Variants in CEP164 observed in about 807,000 individuals in gnomAD.
CEP164 encodes the protein centrosomal protein of 164 kDa.
CEP164 carries 162 observed loss-of-function variants against 182.7 expected under a neutral mutation model. The ratio of observed to expected loss-of-function variants is 0.89; its 90% CI spans 0.78 to 1.01. CEP164 has a LOEUF of 1.01. CEP164 is among the 50% of genes least tolerant of loss of function. The pLI is 0.00. For missense variants in CEP164, 1,735 were observed against 1,790.4 expected (o/e 0.97, Z 0.56); for synonymous variants, 661 against 690.0 (o/e 0.96, Z 0.66).
chr11:117,347,415 T>G (rs562138827), intron 4 of CEP164, among the ~76,000 whole-genome samples: 1 of 152,184 alleles, frequency 6.6e-6, no homozygotes, highest in Non-Finnish European at 1.5e-5. Context: ...TTAGAATAGC[T>G]TGTCAGTTTC....
chr11:117,409,748 C>T lies in CEP164; in HGVS notation c.3879C>T (p.Leu1293=), dbSNP rs772016917. The change falls in exon 30 of 33, where the codon CTC becomes CTT. Residue 1293 remains leucine (L), a synonymous_variant. Transcript: ENST00000278935. The surrounding 1 kb of genome is among the most constrained non-coding windows in gnomAD (Gnocchi z 4.4). ...TCAACCCTCAGTCGCCGCCGCCGCT[C>T]CTCGCCTCCATGCCAGCCCAGCTCC... ...DSLNPQSPPP[L]LASMPAQLPP... is the part of the protein sequence containing the mutation. The T allele has an allele frequency of 2.5e-6, 4 of 1,614,058 alleles. No individual in the cohort carries two copies. Among genetic ancestry groups the T allele is most frequent in the South Asian group, 1.1e-5 (1 of 91,084 alleles).
At chr11:117,383,490 T>C (rs917523040) in intron 14 of CEP164, among the ~76,000 whole-genome samples, 2 of 152,236 alleles carry the variant, frequency 1.3e-5, no homozygotes, top group African/African-American at 4.8e-5. Flanking sequence ...ATTTTTCCAG[T>C]TCTCTACTTC....
chr11:117,352,799 C>T (rs1168679869), intron 5 of CEP164, among the ~76,000 whole-genome samples: 1 of 152,140 alleles, frequency 6.6e-6, no homozygotes, highest in Admixed American at 6.5e-5. Flanking sequence ...GTTGGCCAGG[C>T]TGGTCTCAAA....
intron 8 of CEP164, among the ~76,000 whole-genome samples, chr11:117,364,777 C>T (rs1193082325): frequency 3.3e-5 from 5 of 152,052 alleles, no homozygotes; most frequent in African/African-American, 7.2e-5. Flanking sequence ...GGATTACAGG[C>T]GTGAGCCACT....
At chr11:117,395,270 TC>T in intron 23 of CEP164, 79 bp downstream of exon 23, 1 of 1,523,676 alleles carries the variant, frequency 6.6e-7, no homozygotes, top group Admixed American at 1.7e-5. Context: ...CACATTTTGT[TC>T]ATCTGATCTG....
In CEP164 at chr11:117,390,917, G is replaced by A. The variant is rs374648188; in HGVS notation, c.2066+9G>A. On this transcript the variant is annotated intron_variant, in intron 16 of 32. Transcript: ENST00000278935. ...GATGAGGACCAAATCAGGTAAGTGT[G>A]TGCTTACCTGTGAGCTGCCCAGCCC... is the stretch of plus-strand genomic sequence containing the variant. The A allele has an allele frequency of 8.7e-6, 14 of 1,613,884 alleles. No homozygotes were observed. In the African/African-American group the frequency reaches 1.9e-4, roughly 22 times the overall value.
At chr11:117,403,166 A>T (rs2046330510) in intron 27 of CEP164, among the ~76,000 whole-genome samples, 1 of 152,222 alleles carries the variant, frequency 6.6e-6, no homozygotes, top group African/African-American at 2.4e-5. Flanking sequence ...TAGCCTGTTT[A>T]CATTCAAGGC....
chr11:117,394,581 A>G lies in CEP164; in HGVS notation c.2760+88A>G. ...GGAGCAGACGCATGGCCCCAGCAGG[A>G]TGCAGCCTGACAGCTTCTGGAGTGA... On this transcript the variant is annotated intron_variant, in intron 21 of 32. Coordinates refer to ENST00000278935, the MANE Select transcript of CEP164 (RefSeq NM_014956.5). The surrounding 1 kb of genome is among the most constrained non-coding windows in gnomAD (Gnocchi z 4.0). 6.6e-7 allele frequency: 1 copy of G among 1,505,212 alleles called. No individual in the cohort carries two copies. Among genetic ancestry groups the G allele is most frequent in the South Asian group, 1.3e-5 (1 of 79,226 alleles). 93.2% of individuals were successfully genotyped at this position (1,505,212 alleles called of 1,614,324 possible).
At chr11:117,335,265 C>T (rs1209478364) in intron 1 of CEP164, among the ~76,000 whole-genome samples, 1 of 152,166 alleles carries the variant, frequency 6.6e-6, no homozygotes. Flanking sequence ...GAGCACATTC[C>T]CACTTCAGCT....
upstream of CEP164, among the ~76,000 whole-genome samples, chr11:117,324,806 A>G (rs1211669008): frequency 6.6e-6 from 1 of 152,212 alleles, no homozygotes; most frequent in Admixed American, 6.5e-5. Flanking sequence ...TTTCAAGACC[A>G]GCCTGGCCAA....
intron 12 of CEP164, 52 bp downstream of exon 12, chr11:117,380,757 A>C: frequency 6.6e-7 from 1 of 1,517,724 alleles, no homozygotes; most frequent in Admixed American, 2.0e-5. Context: ...GGTGGTGTGG[A>C]CTTGGGCAGA....
At chr11:117,386,109 T>C (rs2043920300) in intron 14 of CEP164, 1 of 152,286 alleles carries the variant, frequency 6.6e-6, no homozygotes, top group Non-Finnish European at 1.5e-5. Context: ...TTTTGGATCA[T>C]GCCCACACTT....
At chr11:117,362,032 G>T (rs778187174) in intron 6 of CEP164, 39 bp downstream of exon 6, 2 of 1,519,080 alleles carry the variant, frequency 1.3e-6, no homozygotes, top group Non-Finnish European at 1.8e-6. Context: ...TGTAGTTCCT[G>T]TGGGGCCTCC....
rs372442724 is a variant in CEP164 at position 117,390,788 on chromosome 11, A to G, written c.1946A>G (p.Glu649Gly). 6.2e-7 allele frequency: 1 copy of G among 1,613,852 alleles called. No homozygotes were observed. The highest frequency in any genetic ancestry group is 1.3e-5 in the African/African-American group (1 of 74,954). The change falls in exon 16 of 33, where the codon GAG (glutamate) becomes GGG (glycine). Residue 649 changes from glutamate to glycine, a missense_variant. Coordinates refer to ENST00000278935, the MANE Select transcript of CEP164 (RefSeq NM_014956.5). ...CCTTTCCATCTCAGTTCCTTGAGGGAGCGGCTGCAGAAAGCCATTGAGGAG... is the reference window on the plus strand; with the variant it reads ...CCTTTCCATCTCAGTTCCTTGAGGGGGCGGCTGCAGAAAGCCATTGAGGAG... ...QKEQSLSSLR[E>G]RLQKAIEEEE...
At chr11:117,344,308 T>C (rs1238441204) in intron 4 of CEP164, 31 bp downstream of exon 4, 4 of 1,496,176 alleles carry the variant, frequency 2.7e-6, no homozygotes. Flanking sequence ...GCCACTGACT[T>C]GGCCTAGCAG....
chr11:117,322,067 A>G lies in CEP164; in HGVS notation c.-98+7339A>G, dbSNP rs60837248. ...TACAATTTGATATTTTGATACATAT[A>G]TATGTTGCATAATGATCACATCAGG... On this transcript the variant is annotated intron_variant, in intron 1 of 4. Coordinates refer to the CEP164 transcript ENST00000525734. Among the ~76,000 whole-genome samples, 24,958 of 152,066 alleles carry G rather than the reference A, an allele frequency of 0.16. 2,190 individuals carry two copies. The highest frequency in any genetic ancestry group is 0.18 in the Non-Finnish European group (12,289 of 67,978).
At chr11:117,338,135 T>C (rs2037501945) in intron 2 of CEP164, among the ~76,000 whole-genome samples, 1 of 152,188 alleles carries the variant, frequency 6.6e-6, no homozygotes, top group Admixed American at 6.6e-5. Flanking sequence ...ATTTTGGATA[T>C]GAATCGGGAC....
At chr11:117,395,893 G>A (rs2045369252) in intron 24 of CEP164, among the ~76,000 whole-genome samples, 161 bp from the exon 25 acceptor site, 1 of 152,150 alleles carries the variant, frequency 6.6e-6, no homozygotes, top group African/African-American at 2.4e-5. Flanking sequence ...TTAAGATTCT[G>A]TGAAAAGCAG....
intron 14 of CEP164, chr11:117,386,684 G>A (rs2043996292): frequency 6.4e-6 from 1 of 156,182 alleles, no homozygotes; most frequent in Admixed American, 6.1e-5. Flanking sequence ...AGTTCTCAGA[G>A]CTGGGATACC....
Sources: allele counts gnomAD v4.1 joint callset (sites outside exome capture counted in the v4.1 genomes callset), GRCh38; gene constraint gnomAD v4.1.1; non-coding constraint Gnocchi (gnomAD v3.1); transcripts MANE v1.5; gene names NCBI Gene and HGNC (gene_info 2026-07-23, HGNC 2026-07-21).